The following CYP20A1 variants were observed in gnomAD, a reference collection of about 807,000 sequenced individuals.
CYP20A1 encodes cytochrome P450 20A1.
In CYP20A1, 61 loss-of-function variants were observed where a neutral mutation model predicts 61.4. That is an observed-to-expected ratio of 0.99 (90% CI 0.81 to 1.23). The LOEUF is 1.23. Among genes scored for constraint, CYP20A1 ranks in the 50% most tolerant of loss-of-function variants. CYP20A1 has a pLI of 0.00. For missense variants in CYP20A1, 530 were observed against 542.4 expected, an observed-to-expected ratio of 0.98 and a Z score of 0.23; for synonymous variants, 193 against 188.2, an observed-to-expected ratio of 1.03 and a Z score of -0.21.
chr2:203,253,784 A>G (rs1313944701), intron 4 of CYP20A1, among the ~76,000 whole-genome samples: 2 of 151,920 alleles, frequency 1.3e-5, no homozygotes, highest in Non-Finnish European at 2.9e-5. Flanking sequence ...CAGTAAAAAA[A>G]TTTGTCTTTT....
At chr2:203,254,991 CAA>C (rs112141080) in intron 4 of CYP20A1, among the ~76,000 whole-genome samples, 6 of 131,448 alleles carry the variant, frequency 4.6e-5, no homozygotes. Context: ...ACTCCGTCTC[CAA>C]AAAAAAAAAG....
At chr2:203,277,321 C>A (rs779074067) in intron 6 of CYP20A1, among the ~76,000 whole-genome samples, 12 of 148,926 alleles carry the variant, frequency 8.1e-5, no homozygotes, top group Non-Finnish European at 1.6e-4. Flanking sequence ...GCACCCCAGC[C>A]TGGGTGACAG....
intron 8 of CYP20A1, among the ~76,000 whole-genome samples, chr2:203,284,092 T>C (rs1427657006): frequency 6.6e-6 from 1 of 152,178 alleles, no homozygotes; most frequent in East Asian, 1.9e-4. Context: ...CTCATGTTTT[T>C]TGTGAACTCT....
At chr2:203,271,082 A>ATATATATATATATTTT (rs1178482961) in intron 5 of CYP20A1, among the ~76,000 whole-genome samples, 1 of 31,632 alleles carries the variant, frequency 3.2e-5, no homozygotes, top group Non-Finnish European at 5.8e-5. Context: ...ATATATATAT[A>ATATATATATATATTTT]TTTTTTTTTT....
rs527366156 is a variant in CYP20A1 at position 203,268,881 on chromosome 2, G to A, written c.600+2200G>A. Among the ~76,000 whole-genome samples the A allele has an allele frequency of 5.3e-5, 8 of 152,178 alleles. No individual in the cohort carries two copies. The East Asian group carries it at 1.5e-3, about 29-fold the overall frequency. On this transcript the variant is annotated intron_variant, in intron 5 of 12. Transcript: ENST00000356079. Reference sequence around the variant, plus strand: ...CCATTGTCGAGTCATGCCACCAGGAGTAATAACCAATTTGTGAATTCAGAG... The same window carrying A: ...CCATTGTCGAGTCATGCCACCAGGAATAATAACCAATTTGTGAATTCAGAG...
chr2:203,264,070 A>AT (rs2152072874), intron 4 of CYP20A1, among the ~76,000 whole-genome samples: 1 of 152,134 alleles, frequency 6.6e-6, no homozygotes, highest in South Asian at 2.1e-4. Flanking sequence ...TGGTGTGATC[A>AT]TGGCTCAGTG....
chr2:203,261,464 G>A (rs577315419), intron 4 of CYP20A1, among the ~76,000 whole-genome samples: 16 of 148,682 alleles, frequency 1.1e-4, no homozygotes, highest in Admixed American at 1.1e-3. Flanking sequence ...CTACTCAGGA[G>A]GCAAGGCAGG....
At chr2:203,292,504 G>T (rs911017618) in intron 11 of CYP20A1, among the ~76,000 whole-genome samples, 178 bp downstream of exon 11, 7 of 152,138 alleles carry the variant, frequency 4.6e-5, no homozygotes, top group African/African-American at 1.7e-4. Flanking sequence ...TGTCATCCAG[G>T]CTGGAATGTA....
intron 9 of CYP20A1, among the ~76,000 whole-genome samples, chr2:203,288,624 AAAGG>A (rs1251771072): frequency 6.6e-6 from 1 of 152,104 alleles, no homozygotes; most frequent in South Asian, 2.1e-4. Flanking sequence ...TATACAGAGG[AAAGG>A]AAGGAAGAAT....
chr2:203,278,444 GCTTT>G (rs767867203), intron 6 of CYP20A1, 125 bp from the exon 7 acceptor site: 18 of 481,982 alleles, frequency 3.7e-5, no homozygotes, highest in Non-Finnish European at 6.7e-5. Flanking sequence ...ACATAAATTA[GCTTT>G]CTTTGTTGTT....
Position 203,289,955 on chromosome 2 carries a change from T to G in CYP20A1, c.1083+79T>G, listed in dbSNP as rs62183911. The stretch of plus-strand genomic sequence containing the variant: ...GTGTGTGTGTGTATATATATATATA[T>G]TTTAGACAGAGGTTTGCTCTTGTCA... On this transcript the variant is annotated intron_variant, in intron 10 of 12. Transcript: ENST00000356079. The G allele has an allele frequency of 2.4e-5, 14 of 574,648 alleles. 1 individual carries two copies. Among genetic ancestry groups the G allele is most frequent in the South Asian group, 8.4e-5 (2 of 23,890 alleles). The allele number at this position is 574,648 out of a possible 1,614,324, so 35.6% of individuals were successfully genotyped here.
chr2:203,252,121 A>G lies in CYP20A1; in HGVS notation c.432+12A>G. 2.5e-6 allele frequency: 4 copies of G among 1,597,534 alleles called. No homozygotes were observed. The highest frequency in any genetic ancestry group is 3.4e-6 in the Non-Finnish European group (4 of 1,170,412). On this transcript the variant is annotated intron_variant, in intron 4 of 12. Coordinates refer to ENST00000356079, the MANE Select transcript of CYP20A1 (RefSeq NM_177538.3). ...CCCTCCTCCTAAAGGTAAGGTGATA[A>G]GTAGTTTGGTCTAGTGTTCTACAAC...
chr2:203,278,961 T>G (rs1483018902), intron 7 of CYP20A1, among the ~76,000 whole-genome samples: 2 of 152,008 alleles, frequency 1.3e-5, no homozygotes, highest in African/African-American at 4.8e-5. Context: ...TTTTTTTGGG[T>G]TTTTTGTTGT....
rs2066478415 is a variant in CYP20A1, at chr2:203,246,885, G to C, written c.253G>C (p.Asp85His). ...RRLVVSLGTV[D>H]VLKQHINPNK... The stretch of plus-strand genomic sequence containing the variant: ...CCTCGTGGTTAGTTTGGGCACTGTT[G>C]ATGTACTGAAGCAGCATATCAATCC... The change falls in exon 3 of 13, where the codon GAT (aspartate) becomes CAT (histidine). Residue 85 changes from aspartate to histidine, a missense_variant. By Grantham distance (81) the Asp-to-His change is moderately conservative. Transcript: ENST00000356079. 1 of 1,614,136 alleles carries C rather than the reference G, an allele frequency of 6.2e-7. No homozygotes were observed. Among genetic ancestry groups the C allele is most frequent in the Non-Finnish European group, 8.5e-7 (1 of 1,180,036 alleles).
At chr2:203,289,605 C>T (rs1237078827) in intron 9 of CYP20A1, among the ~76,000 whole-genome samples, 160 bp from the exon 10 acceptor site, 2 of 151,514 alleles carry the variant, frequency 1.3e-5, no homozygotes, top group African/African-American at 2.4e-5. Context: ...TCTTTATGTA[C>T]TTCTAATATA....
intron 7 of CYP20A1, among the ~76,000 whole-genome samples, chr2:203,279,229 G>A (rs2067949151): frequency 6.6e-6 from 1 of 152,176 alleles, no homozygotes; most frequent in Non-Finnish European, 1.5e-5. Context: ...GCCTCCCAAA[G>A]TGCTGGGATT....
chr2:203,299,664 C>G lies in CYP20A1; in HGVS notation c.*2756C>G, dbSNP rs889190880. ...CCGAGGCAGGCAGATCACCTGAGGTCAGGCGTTCAAGACCAGCCTGACCAA... is the reference window on the plus strand; with the variant it reads ...CCGAGGCAGGCAGATCACCTGAGGTGAGGCGTTCAAGACCAGCCTGACCAA... On this transcript the variant is annotated 3_prime_UTR_variant, in exon 13 of 13. Coordinates refer to ENST00000356079, the MANE Select transcript of CYP20A1 (RefSeq NM_177538.3). 2.6e-5 allele frequency among the ~76,000 whole-genome samples: 4 copies of G among 152,114 alleles called. No individual in the cohort carries two copies. The highest frequency in any genetic ancestry group is 5.9e-5 in the Non-Finnish European group (4 of 68,034).
Position 203,239,045 on chromosome 2 carries a change from T to C in CYP20A1, c.-18T>C. 1 of 1,612,724 alleles carries C rather than the reference T, an allele frequency of 6.2e-7. No homozygotes were observed. Among genetic ancestry groups the C allele is most frequent in the Non-Finnish European group, 8.5e-7 (1 of 1,179,102 alleles). The stretch of plus-strand genomic sequence containing the variant: ...TGGAGCGGCCGATCCGAGACGTGGC[T>C]CCCTGGGCGGCAGAACCATGTTGGA... On this transcript the variant is annotated 5_prime_UTR_variant, in exon 1 of 13. Transcript: ENST00000356079.
At chr2:203,253,194 T>C (rs1380484619) in intron 4 of CYP20A1, among the ~76,000 whole-genome samples, 2 of 152,190 alleles carry the variant, frequency 1.3e-5, no homozygotes, top group Non-Finnish European at 2.9e-5. Context: ...GGGTCCTGCC[T>C]TGGGCCCCAA....
Sources: gnomAD v4.1 joint callset for allele counts (sites outside exome capture counted in the v4.1 genomes callset) on GRCh38, gnomAD v4.1.1 for gene constraint, MANE v1.5 for transcripts, NCBI Gene and HGNC (gene_info 2026-07-23, HGNC 2026-07-21) for gene names.